Variants in CPNE4 observed in about 807,000 individuals in gnomAD.
The protein encoded by CPNE4 is copine-4.
In CPNE4, 25 loss-of-function variants were observed where a neutral mutation model predicts 67.9. That is an observed-to-expected ratio of 0.37 (90% CI 0.27 to 0.51). CPNE4 has a LOEUF of 0.51. Among genes scored for constraint, CPNE4 ranks in the 20% least tolerant of loss-of-function variants. The probability of loss-of-function intolerance (pLI) is 0.93; values close to 1 mark genes in which losing one functional copy is unlikely to be tolerated. For synonymous variants in CPNE4, 242 were observed against 244.9 expected (o/e 0.99, Z 0.11); for missense variants, 464 against 690.8 (o/e 0.67, Z 3.68).
chr3:131,584,272 T>G (rs1372604183), intron 8 of CPNE4, among the ~76,000 whole-genome samples: 1 of 152,122 alleles, frequency 6.6e-6, no homozygotes, highest in East Asian at 1.9e-4. Context: ...AGTTGATGGC[T>G]CCTAAAATAT....
chr3:131,597,369 G>T (rs1938943259), intron 7 of CPNE4, among the ~76,000 whole-genome samples: 1 of 152,130 alleles, frequency 6.6e-6, no homozygotes, highest in Non-Finnish European at 1.5e-5. Context: ...TAGATGATGG[G>T]TTGATGGGTG....
At chr3:131,962,290 T>C (rs2072205570) in intron 1 of CPNE4, among the ~76,000 whole-genome samples, 1 of 152,240 alleles carries the variant, frequency 6.6e-6, no homozygotes, top group Non-Finnish European at 1.5e-5. Context: ...AAGAGATGTC[T>C]TTTCTTTTGC....
At chr3:131,894,305 T>C (rs1485040745) in intron 2 of CPNE4, among the ~76,000 whole-genome samples, 5 of 151,858 alleles carry the variant, frequency 3.3e-5, no homozygotes, top group African/African-American at 1.2e-4. Flanking sequence ...TTAATACCAA[T>C]TCTCCTCAAA....
intron 11 of CPNE4, among the ~76,000 whole-genome samples, chr3:131,558,793 C>T (rs538544878): frequency 6.6e-6 from 1 of 151,794 alleles, no homozygotes; most frequent in South Asian, 2.1e-4. Flanking sequence ...TTCTCTGAAG[C>T]AGAGGTCTTA....
At chr3:131,840,153 T>C (rs1007846554) in intron 2 of CPNE4, among the ~76,000 whole-genome samples, 8 of 152,222 alleles carry the variant, frequency 5.3e-5, no homozygotes, top group African/African-American at 1.9e-4. Context: ...GGAGTTAGCA[T>C]AGTCAGCCTT....
chr3:131,808,347 T>G (rs180870196), intron 2 of CPNE4, among the ~76,000 whole-genome samples: 183 of 152,164 alleles, frequency 1.2e-3, no homozygotes, highest in African/African-American at 4.2e-3. Flanking sequence ...AAGGCTCTAG[T>G]GGAAAAAGTG....
At chr3:131,860,935 T>C (rs1020554632) in intron 2 of CPNE4, among the ~76,000 whole-genome samples, 1 of 152,220 alleles carries the variant, frequency 6.6e-6, no homozygotes, top group African/African-American at 2.4e-5. Context: ...TCAGTGCAAA[T>C]GCTACTTTCC....
At chr3:131,891,234 A>T (rs1243359076) in intron 2 of CPNE4, among the ~76,000 whole-genome samples, 4 of 152,156 alleles carry the variant, frequency 2.6e-5, no homozygotes, top group Admixed American at 2.0e-4. Flanking sequence ...AATTGTATAC[A>T]TTAATTTTAT....
At chr3:131,827,512 A>G (rs553373598) in intron 2 of CPNE4, among the ~76,000 whole-genome samples, 15 of 152,202 alleles carry the variant, frequency 9.9e-5, no homozygotes, top group African/African-American at 3.6e-4. Flanking sequence ...GCACAGCAAG[A>G]TGTGAAACAT....
chr3:131,738,895 C>A (rs1299792609), intron 2 of CPNE4, among the ~76,000 whole-genome samples: 12 of 148,084 alleles, frequency 8.1e-5, no homozygotes, highest in Non-Finnish European at 1.5e-4. Flanking sequence ...GCTCTCGTCG[C>A]CCAGGCTAGA....
At chr3:132,016,804 A>G (rs2073898967) in intron 1 of CPNE4, among the ~76,000 whole-genome samples, 1 of 152,200 alleles carries the variant, frequency 6.6e-6, no homozygotes, top group Non-Finnish European at 1.5e-5. Flanking sequence ...TCCATCTAGC[A>G]GTCATATTCA....
intron 1 of CPNE4, among the ~76,000 whole-genome samples, chr3:131,969,673 G>T (rs2107943589): frequency 6.6e-6 from 1 of 152,264 alleles, no homozygotes; most frequent in South Asian, 2.1e-4. Flanking sequence ...GGTCTAAGGG[G>T]CAGCAGGGTG....
intron 7 of CPNE4, among the ~76,000 whole-genome samples, chr3:131,611,077 A>C (rs1463113781): frequency 6.6e-6 from 1 of 152,176 alleles, no homozygotes; most frequent in Non-Finnish European, 1.5e-5. Flanking sequence ...AGCATTTATC[A>C]GGAGTCTTTT....
At chr3:131,827,081 G>T (rs1052082990) in intron 2 of CPNE4, among the ~76,000 whole-genome samples, 3 of 152,024 alleles carry the variant, frequency 2.0e-5, no homozygotes, top group African/African-American at 7.2e-5. Flanking sequence ...AACAACTTCA[G>T]TCTCAGAGAC....
At chr3:131,698,113 T>C (rs2081198108) in intron 4 of CPNE4, among the ~76,000 whole-genome samples, 1 of 151,120 alleles carries the variant, frequency 6.6e-6, no homozygotes, top group African/African-American at 2.4e-5. Flanking sequence ...TGGGCGCCTG[T>C]AGTCCCAGCT....
chr3:131,559,928 A>C (rs1463131329), intron 11 of CPNE4, among the ~76,000 whole-genome samples: 1 of 152,070 alleles, frequency 6.6e-6, no homozygotes, highest in Non-Finnish European at 1.5e-5. Flanking sequence ...CTTTATCACT[A>C]TATAAACTCA....
chr3:132,034,945 A>G lies in CPNE4; in HGVS notation c.-380T>C. On this transcript the variant is annotated 5_prime_UTR_variant, in exon 1 of 16. Transcript: ENST00000429747. ...GAGGGAGGAAGGAAAGGAGGGTGGC[A>G]GAAAGAGAAGGGGACGAGCGGGTGG... The G allele has an allele frequency of 1.0e-6, 1 of 985,620 alleles. No homozygotes were observed. Among genetic ancestry groups the G allele is most frequent in the Non-Finnish European group, 1.2e-6 (1 of 830,114 alleles). The allele number at this position is 985,620 out of a possible 1,614,324, so 61.1% of individuals were successfully genotyped here.
At chr3:131,721,320 A>G (rs915461785) in intron 3 of CPNE4, among the ~76,000 whole-genome samples, 8 of 151,042 alleles carry the variant, frequency 5.3e-5, no homozygotes, top group Non-Finnish European at 8.8e-5. Context: ...ATTCAAACAG[A>G]TAAAATTATC....
intron 7 of CPNE4, among the ~76,000 whole-genome samples, chr3:131,639,612 A>G (rs1361004988): frequency 1.3e-5 from 2 of 152,118 alleles, no homozygotes; most frequent in African/African-American, 2.4e-5. Flanking sequence ...TATTGACGTT[A>G]TTACAAAAGA....
Sources: gnomAD v4.1 joint callset for allele counts (sites outside exome capture counted in the v4.1 genomes callset) on GRCh38, gnomAD v4.1.1 for gene constraint, MANE v1.5 for transcripts, NCBI Gene and HGNC (gene_info 2026-07-23, HGNC 2026-07-21) for gene names.